OPCML: variants seen among roughly 807,000 people sequenced by gnomAD.
OPCML encodes opioid-binding protein/cell adhesion molecule.
OPCML carries 13 observed loss-of-function variants against 37.8 expected under a neutral mutation model. The observed-to-expected ratio is 0.34, with a 90% CI of 0.22 to 0.55. OPCML has a LOEUF of 0.55. OPCML is among the 20% of genes least tolerant of loss of function. The probability of loss-of-function intolerance (pLI) is 0.91; values close to 1 mark genes in which losing one functional copy is unlikely to be tolerated. For synonymous variants in OPCML, 176 were observed against 168.8 expected (o/e 1.04, Z -0.33); for missense variants, 341 against 435.6 (o/e 0.78, Z 1.93).
intron 1 of OPCML, chr11:133,003,945 G>A (rs548281180): frequency 5.8e-5 from 57 of 985,376 alleles, no homozygotes; most frequent in Non-Finnish European, 6.7e-5. Flanking sequence ...GGCAGCACCC[G>A]GCACACTGTC....
chr11:133,136,339 A>G (rs1255287748), intron 1 of OPCML, among the ~76,000 whole-genome samples: 1 of 150,156 alleles, frequency 6.7e-6, no homozygotes, highest in Non-Finnish European at 1.5e-5. Flanking sequence ...CCCACCCTCA[A>G]ACAAAGCAGA....
rs992896678 is a variant in OPCML at position 132,907,003 on chromosome 11, T to G, written c.146+35923A>C. ...TGACAAGGCAAATATGCTGGCTTCCTGGATCTGACAATCATCCCCTATCCT... is the reference window on the plus strand; with the variant it reads ...TGACAAGGCAAATATGCTGGCTTCCGGGATCTGACAATCATCCCCTATCCT... On this transcript the variant is annotated intron_variant, in intron 2 of 7. Transcript: ENST00000524381. Among the ~76,000 whole-genome samples, 8 of 152,222 alleles carry G rather than the reference T, an allele frequency of 5.3e-5. 1 individual carries two copies. Among genetic ancestry groups the G allele is most frequent in the Admixed American group, 2.6e-4 (4 of 15,288 alleles).
At chr11:132,976,437 C>T (rs1356748224) in intron 1 of OPCML, among the ~76,000 whole-genome samples, 2 of 152,176 alleles carry the variant, frequency 1.3e-5, no homozygotes, top group East Asian at 3.9e-4. Flanking sequence ...ATTTATGAAT[C>T]TCTAACAGTT....
At chr11:133,214,830 T>G (rs1289001987) in intron 1 of OPCML, among the ~76,000 whole-genome samples, 1 of 152,198 alleles carries the variant, frequency 6.6e-6, no homozygotes, top group Non-Finnish European at 1.5e-5. Context: ...CCTAACTGAT[T>G]TTCCCATCCC....
intron 2 of OPCML, among the ~76,000 whole-genome samples, chr11:132,669,484 T>C (rs1361980167): frequency 6.6e-6 from 1 of 152,186 alleles, no homozygotes; most frequent in African/African-American, 2.4e-5. Context: ...AGCAGTTTTT[T>C]GGAGTCAGTA....
chr11:133,220,933 G>A (rs1469115603), intron 1 of OPCML, among the ~76,000 whole-genome samples: 11 of 152,158 alleles, frequency 7.2e-5, no homozygotes, highest in Non-Finnish European at 1.0e-4. Context: ...TCACTGACTC[G>A]AAATTGGACG....
chr11:133,131,945 C>T (rs1323809693), intron 1 of OPCML, among the ~76,000 whole-genome samples: 2 of 152,022 alleles, frequency 1.3e-5, no homozygotes, highest in Non-Finnish European at 2.9e-5. Context: ...TATTTTATAC[C>T]ATATACAAAA....
At chr11:133,481,138 TA>T (rs1469779821) in intron 1 of OPCML, among the ~76,000 whole-genome samples, 1 of 152,234 alleles carries the variant, frequency 6.6e-6, no homozygotes, top group South Asian at 2.1e-4. Context: ...TGTGAAGTTG[TA>T]ACACAAATTT....
At chr11:132,919,298 C>A (rs2136574350) in intron 2 of OPCML, among the ~76,000 whole-genome samples, 1 of 152,254 alleles carries the variant, frequency 6.6e-6, no homozygotes, top group Non-Finnish European at 1.5e-5. Flanking sequence ...CTTGGACAAG[C>A]AGCATCAGCA....
At chr11:133,243,347 T>G (rs1940801645) in intron 1 of OPCML, among the ~76,000 whole-genome samples, 1 of 151,938 alleles carries the variant, frequency 6.6e-6, no homozygotes. Context: ...GAGTTAACAG[T>G]GAGTGGAGTG....
At chr11:132,900,637 G>A (rs951730696) in intron 2 of OPCML, among the ~76,000 whole-genome samples, 2 of 152,144 alleles carry the variant, frequency 1.3e-5, no homozygotes, top group Admixed American at 6.5e-5. Flanking sequence ...CACTGTCTCC[G>A]CACGCTGTGA....
At chr11:132,605,668 T>C (rs757035258) in intron 3 of OPCML, among the ~76,000 whole-genome samples, 1 of 152,212 alleles carries the variant, frequency 6.6e-6, no homozygotes, top group Non-Finnish European at 1.5e-5. Context: ...AGCTATAACT[T>C]AGTCTAGTGT....
At chr11:133,012,877 A>C (rs1947247251) in intron 1 of OPCML, among the ~76,000 whole-genome samples, 2 of 151,754 alleles carry the variant, frequency 1.3e-5, no homozygotes, top group Non-Finnish European at 2.9e-5. Context: ...TCTCAAAAAA[A>C]AAAAAAAAAA....
intron 1 of OPCML, among the ~76,000 whole-genome samples, chr11:133,143,316 G>A (rs1186501694): frequency 6.6e-6 from 1 of 152,166 alleles, no homozygotes; most frequent in African/African-American, 2.4e-5. Context: ...TAGCTTTGCT[G>A]AGTGGAATGA....
In OPCML at chr11:132,940,176, A is replaced by T. The variant is rs75854446; in HGVS notation, c.146+2750T>A. 9.5e-4 allele frequency among the ~76,000 whole-genome samples: 144 copies of T among 152,240 alleles called. 1 individual carries two copies. The East Asian group carries it at 0.025, about 26-fold the overall frequency. On this transcript the variant is annotated intron_variant, in intron 2 of 7. Transcript: ENST00000524381. ...CTGTCACAACAAAACTGATATCCCAAAGGAGGAAAATCACTCTTCTCTGAG... is the reference window on the plus strand; with the variant it reads ...CTGTCACAACAAAACTGATATCCCATAGGAGGAAAATCACTCTTCTCTGAG...
chr11:132,431,129 G>C (rs746007384), intron 7 of OPCML, among the ~76,000 whole-genome samples: 2 of 152,226 alleles, frequency 1.3e-5, no homozygotes, highest in Non-Finnish European at 2.9e-5. Context: ...CGAATGCTTA[G>C]AGCAAGCTGA....
At chr11:133,435,060 T>G (rs1946205514) in intron 1 of OPCML, among the ~76,000 whole-genome samples, 1 of 151,906 alleles carries the variant, frequency 6.6e-6, no homozygotes, top group Non-Finnish European at 1.5e-5. Flanking sequence ...GCATAGAGTT[T>G]ATGTTAATGG....
chr11:133,427,337 GA>G (rs1275568617), intron 1 of OPCML, among the ~76,000 whole-genome samples: 5 of 133,334 alleles, frequency 3.7e-5, no homozygotes, highest in African/African-American at 1.4e-4. Flanking sequence ...TAATAAGCAG[GA>G]AATTAAAAAT....
intron 2 of OPCML, among the ~76,000 whole-genome samples, chr11:132,717,424 A>C (rs1028836596): frequency 1.3e-5 from 2 of 152,206 alleles, no homozygotes; most frequent in Non-Finnish European, 2.9e-5. Context: ...GAAAATGTCC[A>C]CAGAAGAAAG....
Sources: allele counts gnomAD v4.1 joint callset (sites outside exome capture counted in the v4.1 genomes callset), GRCh38; gene constraint gnomAD v4.1.1; transcripts MANE v1.5; gene names NCBI Gene and HGNC (gene_info 2026-07-23, HGNC 2026-07-21).